The following ADAMTS6 variants were observed in gnomAD, a reference collection of about 807,000 sequenced individuals.
The protein encoded by ADAMTS6 is ADAM metallopeptidase with thrombospondin type 1 motif 6, also known as A disintegrin and metalloproteinase with thrombospondin motifs 6.
In ADAMTS6, 23 loss-of-function variants were observed where a neutral mutation model predicts 144.3. That is an observed-to-expected ratio of 0.16 (90% CI 0.11 to 0.23). ADAMTS6 has a LOEUF of 0.23. Among genes scored for constraint, ADAMTS6 ranks in the 10% least tolerant of loss-of-function variants. The probability of loss-of-function intolerance (pLI) is 1.00; values close to 1 mark genes in which losing one functional copy is unlikely to be tolerated. For missense variants in ADAMTS6, 999 were observed against 1,379.6 expected (o/e 0.72, Z 4.37); for synonymous variants, 444 against 457.5 (o/e 0.97, Z 0.38).
chr5:65,196,502 G>T lies in ADAMTS6; in HGVS notation c.2705+520C>A, dbSNP rs1005923511. Among the ~76,000 whole-genome samples the T allele has an allele frequency of 6.5e-5, 7 of 108,204 alleles. No individual in the cohort carries two copies. In the Admixed American group the frequency reaches 8.6e-4, roughly 13 times the overall value. The allele number at this position is 108,204 out of a possible 152,430, so 71.0% of individuals were successfully genotyped here. ...CGCGCCACTGCACTCCAGCCTGGGC[G>T]ACAGAGCGAGACTCCGTCTCAAAAA... On this transcript the variant is annotated intron_variant, in intron 21 of 24. Coordinates refer to ENST00000381055, the MANE Select transcript of ADAMTS6 (RefSeq NM_197941.4).
chr5:65,392,080 AT>A (rs1395263748), intron 7 of ADAMTS6, among the ~76,000 whole-genome samples: 2 of 152,128 alleles, frequency 1.3e-5, no homozygotes, highest in Non-Finnish European at 2.9e-5. Context: ...CTTTCTTTTA[AT>A]AAAAAATTCC....
At chr5:65,170,558 T>G (rs1373898854) in intron 24 of ADAMTS6, 59 bp downstream of exon 24, 15 of 1,585,444 alleles carry the variant, frequency 9.5e-6, no homozygotes, top group Non-Finnish European at 1.3e-5. Context: ...CTTCAGACCC[T>G]GGGAACAGTA....
At chr5:65,198,968 A>C (rs1484079776) in intron 20 of ADAMTS6, among the ~76,000 whole-genome samples, 1 of 152,184 alleles carries the variant, frequency 6.6e-6, no homozygotes, top group Non-Finnish European at 1.5e-5. Context: ...CAGTGGGCAG[A>C]TAACTAGGTC....
chr5:65,407,806 T>C (rs1754682330), intron 7 of ADAMTS6, among the ~76,000 whole-genome samples: 2 of 152,150 alleles, frequency 1.3e-5, no homozygotes, highest in Admixed American at 1.3e-4. Context: ...CACGTATGTT[T>C]ATTGCGGCAC....
chr5:65,155,730 TTTCAGCAATATTC>T (rs1421945125), intron 24 of ADAMTS6, among the ~76,000 whole-genome samples: 2 of 152,202 alleles, frequency 1.3e-5, no homozygotes, highest in African/African-American at 4.8e-5. Context: ...AGCCATTCTA[TTTCAGCAATATTC>T]TTAGCATCTA....
chr5:65,232,710 A>G (rs915053503), intron 15 of ADAMTS6, among the ~76,000 whole-genome samples: 1 of 151,356 alleles, frequency 6.6e-6, no homozygotes, highest in Admixed American at 6.6e-5. Flanking sequence ...AAAAAAAAAA[A>G]CCTCTCATCA....
At chr5:65,360,802 G>C (rs557779724) in intron 7 of ADAMTS6, among the ~76,000 whole-genome samples, 147 of 152,262 alleles carry the variant, frequency 9.7e-4, no homozygotes, top group African/African-American at 3.4e-3. Flanking sequence ...GAGTTCAAAA[G>C]AAGAAGCAAA....
intron 1 of ADAMTS6, among the ~76,000 whole-genome samples, chr5:65,477,195 T>C (rs1248673663): frequency 1.3e-5 from 2 of 152,212 alleles, no homozygotes; most frequent in African/African-American, 4.8e-5. Context: ...TTGAACAACA[T>C]TCATTTTCAT....
chr5:65,388,526 C>A (rs929118531), intron 7 of ADAMTS6, among the ~76,000 whole-genome samples: 3 of 152,164 alleles, frequency 2.0e-5, no homozygotes, highest in Non-Finnish European at 2.9e-5. Flanking sequence ...TTTCTCACTG[C>A]GTGACCTGAT....
At position 65,432,347 on chromosome 5, in the gene ADAMTS6, T is replaced by G. The variant is rs527965253; in HGVS notation, c.1073+19128A>C. Among the ~76,000 whole-genome samples, 17 of 152,084 alleles carry G rather than the reference T, an allele frequency of 1.1e-4. 1 individual carries two copies. In the South Asian group the frequency reaches 3.3e-3, roughly 30 times the overall value. On this transcript the variant is annotated intron_variant, in intron 7 of 24. Coordinates refer to ENST00000381055, the MANE Select transcript of ADAMTS6 (RefSeq NM_197941.4). ...CCTCACTCATCAAAAACTCCCCATC[T>G]CCCAACATCAGAACTCAATAATTTT...
chr5:65,242,073 A>C, intron 15 of ADAMTS6, 31 bp downstream of exon 15: 1 of 1,465,032 alleles, frequency 6.8e-7, no homozygotes, highest in Non-Finnish European at 9.3e-7. Flanking sequence ...AAAGTGCTCA[A>C]GCATGAATGC....
chr5:65,469,788 G>T (rs1033948150), intron 3 of ADAMTS6, among the ~76,000 whole-genome samples: 2 of 152,074 alleles, frequency 1.3e-5, no homozygotes, highest in African/African-American at 4.8e-5. Context: ...TCGAATTATA[G>T]TTATTTTATA....
chr5:65,408,065 C>T (rs1241468772), intron 7 of ADAMTS6, among the ~76,000 whole-genome samples: 1 of 152,104 alleles, frequency 6.6e-6, no homozygotes, highest in African/African-American at 2.4e-5. Context: ...TAAAGACCAT[C>T]GATGCTAGGA....
At chr5:65,464,364 C>A (rs951017600) in intron 3 of ADAMTS6, among the ~76,000 whole-genome samples, 1 of 152,092 alleles carries the variant, frequency 6.6e-6, no homozygotes, top group African/African-American at 2.4e-5. Flanking sequence ...TTCAGTGGCT[C>A]TAATAACTAC....
At chr5:65,222,457 C>T (rs1757392779) in intron 18 of ADAMTS6, among the ~76,000 whole-genome samples, 1 of 152,086 alleles carries the variant, frequency 6.6e-6, no homozygotes, top group Non-Finnish European at 1.5e-5. Context: ...TAAAAATTAA[C>T]TTAAAATTGA....
intron 4 of ADAMTS6, among the ~76,000 whole-genome samples, chr5:65,457,674 T>C (rs1759312261): frequency 6.6e-6 from 1 of 151,858 alleles, no homozygotes; most frequent in Admixed American, 6.6e-5. Context: ...TGGCATATTA[T>C]GGAAAAATGA....
At chr5:65,469,633 A>C (rs1183832696) in intron 3 of ADAMTS6, among the ~76,000 whole-genome samples, 1 of 152,240 alleles carries the variant, frequency 6.6e-6, no homozygotes, top group African/African-American at 2.4e-5. Context: ...TTACAAGCTA[A>C]GTAAATATTT....
chr5:65,463,588 C>T (rs1262532537), intron 3 of ADAMTS6, among the ~76,000 whole-genome samples: 1 of 152,170 alleles, frequency 6.6e-6, no homozygotes, highest in Non-Finnish European at 1.5e-5. Context: ...CACCATGCCT[C>T]CTCTTTCCTT....
At chr5:65,324,321 G>C (rs1401905780) in intron 9 of ADAMTS6, among the ~76,000 whole-genome samples, 1 of 152,010 alleles carries the variant, frequency 6.6e-6, no homozygotes, top group Non-Finnish European at 1.5e-5. Context: ...AAATATAAAA[G>C]CTAGAAGTAT....
Sources: gnomAD v4.1 joint callset for allele counts (sites outside exome capture counted in the v4.1 genomes callset) on GRCh38, gnomAD v4.1.1 for gene constraint, MANE v1.5 for transcripts, NCBI Gene and HGNC (gene_info 2026-07-23, HGNC 2026-07-21) for gene names.